CSPP1: variants seen among roughly 807,000 people sequenced by gnomAD.
CSPP1 encodes centrosome and spindle pole associated protein 1.
A neutral mutation model predicts 164.4 loss-of-function variants in CSPP1; 126 were observed. That is an observed-to-expected ratio of 0.77 (90% CI 0.66 to 0.89). The LOEUF (loss-of-function observed/expected upper bound fraction) is 0.89. Among genes scored for constraint, CSPP1 ranks in the 40% least tolerant of loss-of-function variants. CSPP1 has a pLI of 0.00. For missense variants in CSPP1, 1,395 were observed against 1,449.8 expected (o/e 0.96, Z 0.61); for synonymous variants, 472 against 476.7 (o/e 0.99, Z 0.13).
intron 24 of CSPP1, among the ~76,000 whole-genome samples, chr8:67,167,424 G>A (rs867408379): frequency 1.3e-5 from 2 of 148,992 alleles, no homozygotes; most frequent in African/African-American, 4.9e-5. Flanking sequence ...TGGACGGGGC[G>A]GCTGGCCGGG....
At chr8:67,180,022 G>GT (rs1448168918) in intron 28 of CSPP1, 96 bp downstream of exon 28, 2 of 531,108 alleles carry the variant, frequency 3.8e-6, no homozygotes, top group African/African-American at 4.1e-5. Flanking sequence ...GTACAAGGTA[G>GT]TAAAAAAAAA....
intron 28 of CSPP1, among the ~76,000 whole-genome samples, chr8:67,182,399 T>C (rs540714307): frequency 1.3e-5 from 2 of 152,212 alleles, no homozygotes; most frequent in Non-Finnish European, 2.9e-5. Flanking sequence ...CAGTAGACAC[T>C]TGAGTTGCTT....
Position 67,093,523 on chromosome 8 carries a change from C to A in CSPP1, c.385-20C>A. ...TCCTGAAGTTGAATTTTAACATTGC[C>A]TTTTGATTTTTATTTTAAGGAAAGG... On this transcript the variant is annotated intron_variant, in intron 5 of 30. Coordinates refer to ENST00000678616, the MANE Select transcript of CSPP1 (RefSeq NM_001382391.1). 6.7e-7 allele frequency: 1 copy of A among 1,498,570 alleles called. No individual in the cohort carries two copies. Among genetic ancestry groups the A allele is most frequent in the South Asian group, 1.2e-5 (1 of 85,028 alleles). The allele number at this position is 1,498,570 out of a possible 1,614,324, so 92.8% of individuals were successfully genotyped here.
chr8:67,172,626 C>CAATTACGTATACTGTTA, intron 25 of CSPP1, 71 bp downstream of exon 25: 1 of 1,268,530 alleles, frequency 7.9e-7, no homozygotes, highest in African/African-American at 1.5e-5. Flanking sequence ...CTATAAAGAT[C>CAATTACGTATACTGTTA]TTTGTACCCT....
chr8:67,181,382 G>A (rs923423473), intron 28 of CSPP1, among the ~76,000 whole-genome samples: 2 of 146,642 alleles, frequency 1.4e-5, no homozygotes, highest in Admixed American at 1.4e-4. Context: ...TCCTTTCCAA[G>A]GAAGATGCAC....
chr8:67,122,798 G>A (rs1257758133), intron 15 of CSPP1, among the ~76,000 whole-genome samples: 1 of 151,800 alleles, frequency 6.6e-6, no homozygotes, highest in African/African-American at 2.4e-5. Context: ...CTGTGTAGTT[G>A]TTCTATTATT....
At chr8:67,158,198 A>C (rs1476292975) in intron 19 of CSPP1, among the ~76,000 whole-genome samples, 3 of 152,208 alleles carry the variant, frequency 2.0e-5, no homozygotes, top group Non-Finnish European at 4.4e-5. Context: ...ACCAGAAAAA[A>C]GAGAAAACTG....
intron 24 of CSPP1, among the ~76,000 whole-genome samples, chr8:67,166,997 CCT>C (rs1346542586): frequency 1.1e-4 from 16 of 152,112 alleles, no homozygotes; most frequent in African/African-American, 3.4e-4. Flanking sequence ...TCCATTTAAC[CCT>C]GAGTGGACAC....
chr8:67,102,937 T>C, intron 7 of CSPP1, 100 bp from the exon 8 acceptor site: 1 of 612,418 alleles, frequency 1.6e-6, no homozygotes, highest in Admixed American at 3.0e-5. Flanking sequence ...TAACACTTTG[T>C]TCCTTTTAAT....
At chr8:67,078,973 A>G (rs987326364) in intron 3 of CSPP1, among the ~76,000 whole-genome samples, 23 of 152,090 alleles carry the variant, frequency 1.5e-4, no homozygotes, top group Non-Finnish European at 7.4e-5. Context: ...CTCCATCTCA[A>G]TAAAAAAAAA....
At chr8:67,148,400 A>T (rs1299430124) in intron 17 of CSPP1, among the ~76,000 whole-genome samples, 1 of 152,168 alleles carries the variant, frequency 6.6e-6, no homozygotes, top group East Asian at 1.9e-4. Flanking sequence ...GTCTAGCTGG[A>T]CTACTTTAAT....
At chr8:67,177,795 C>G (rs1373212766) in intron 27 of CSPP1, 69 bp downstream of exon 27, 2 of 1,041,420 alleles carry the variant, frequency 1.9e-6, no homozygotes, top group South Asian at 1.3e-5. Flanking sequence ...ATATGATGAT[C>G]AAGTAATTCA....
intron 18 of CSPP1, among the ~76,000 whole-genome samples, chr8:67,153,501 C>T (rs1409914007): frequency 6.6e-6 from 1 of 151,952 alleles, no homozygotes; most frequent in Non-Finnish European, 1.5e-5. Context: ...AATTAAGATG[C>T]ATTCTAATTT....
rs536000854 is a variant in CSPP1 at position 67,074,229 on chromosome 8, AT to A, written c.-10-5del. 118 of 1,527,070 alleles carry A rather than the reference AT, an allele frequency of 7.7e-5. No individual in the cohort carries two copies. Among genetic ancestry groups the A allele is most frequent in the South Asian group, 1.7e-4 (15 of 86,978 alleles). The allele number at this position is 1,527,070 out of a possible 1,614,324, so 94.6% of individuals were successfully genotyped here. A position where few individuals can be genotyped will look rare whatever the true frequency, so the allele number is the denominator to read the frequency against. ...CTGTGATATAGATACGCTCACTGAAATTTTTTTTTAAAGAATCTGCAAAATG... is the reference window on the plus strand; with the variant it reads ...CTGTGATATAGATACGCTCACTGAAATTTTTTTTAAAGAATCTGCAAAATG... On this transcript the variant is annotated splice_polypyrimidine_tract_variant and intron_variant, in intron 1 of 30. Coordinates refer to ENST00000678616, the MANE Select transcript of CSPP1 (RefSeq NM_001382391.1).
At chr8:67,179,438 T>C (rs1832486080) in intron 27 of CSPP1, among the ~76,000 whole-genome samples, 1 of 152,198 alleles carries the variant, frequency 6.6e-6, no homozygotes, top group Non-Finnish European at 1.5e-5. Flanking sequence ...AAATAGTAAG[T>C]GGGCTATACA....
intron 18 of CSPP1, among the ~76,000 whole-genome samples, chr8:67,151,829 C>T (rs1825748414): frequency 6.6e-6 from 1 of 152,024 alleles, no homozygotes; most frequent in Admixed American, 6.5e-5. Context: ...GTGGCTCACG[C>T]CTGTAATCCC....
chr8:67,161,891 C>G lies in CSPP1; in HGVS notation c.2619C>G (p.Asp873Glu). ...ASKLQRPPSV[D>E]SIIRSFIHES... ...AACTCCAAAGACCTCCTTCAGTTGACAGCATCATACGTTCCTTTATTCATG... is the reference window on the plus strand; with the variant it reads ...AACTCCAAAGACCTCCTTCAGTTGAGAGCATCATACGTTCCTTTATTCATG... Residue 873 changes from aspartate to glutamate, a missense_variant, in exon 22 of 31, where the codon GAC becomes GAG. Asp to Glu is a conservative substitution (Grantham distance 45). Coordinates refer to ENST00000678616, the MANE Select transcript of CSPP1 (RefSeq NM_001382391.1). The G allele has an allele frequency of 1.2e-6, 2 of 1,609,630 alleles. No homozygotes were observed. Among genetic ancestry groups the G allele is most frequent in the Non-Finnish European group, 1.7e-6 (2 of 1,176,046 alleles).
At chr8:67,182,365 C>T (rs933952561) in intron 28 of CSPP1, among the ~76,000 whole-genome samples, 3 of 151,848 alleles carry the variant, frequency 2.0e-5, no homozygotes, top group African/African-American at 4.8e-5. Context: ...GTGTGTACCA[C>T]GTTTTGTTTA....
intron 7 of CSPP1, among the ~76,000 whole-genome samples, chr8:67,101,334 C>G (rs1050973026): frequency 5.9e-5 from 9 of 152,202 alleles, no homozygotes; most frequent in African/African-American, 1.7e-4. Context: ...GTGGTTGTAA[C>G]TCTCCCAAAA....
Sources: gnomAD v4.1 joint callset for allele counts (sites outside exome capture counted in the v4.1 genomes callset) on GRCh38, gnomAD v4.1.1 for gene constraint, MANE v1.5 for transcripts, NCBI Gene and HGNC (gene_info 2026-07-23, HGNC 2026-07-21) for gene names.